The following STPG2 variants were observed in gnomAD, a reference collection of about 807,000 sequenced individuals.
The protein encoded by STPG2 is sperm-tail PG-rich repeat-containing protein 2.
In STPG2, 56 loss-of-function variants were observed where a neutral mutation model predicts 54.2. That is an observed-to-expected ratio of 1.03 (90% CI 0.83 to 1.29). The LOEUF (loss-of-function observed/expected upper bound fraction) is 1.29. STPG2 is among the 50% of genes most tolerant of loss of function. The pLI is 0.00. For missense variants in STPG2, 596 were observed against 544.9 expected (o/e 1.09, Z -0.93); for synonymous variants, 200 against 181.8 (o/e 1.10, Z -0.81).
intron 5 of STPG2, among the ~76,000 whole-genome samples, chr4:98,006,208 T>A (rs1469938023): frequency 6.6e-6 from 1 of 152,134 alleles, no homozygotes. Context: ...GAGAAGTTGG[T>A]CAGACAGCCT....
In STPG2 at chr4:97,932,798, G is replaced by A. The variant is rs189087450; in HGVS notation, c.1044+11099C>T. 7.2e-5 allele frequency among the ~76,000 whole-genome samples: 11 copies of A among 152,212 alleles called. No individual in the cohort carries two copies. In the East Asian group the frequency reaches 2.1e-3, roughly 29 times the overall value. ...TTATTTGGGTTGATTCCATGTCTTT[G>A]CTATTGTGAATAGTGCTGCAATAAA... is the stretch of plus-strand genomic sequence containing the variant. On this transcript the variant is annotated intron_variant, in intron 8 of 10. Coordinates refer to ENST00000295268, the MANE Select transcript of STPG2 (RefSeq NM_174952.3).
At chr4:98,014,838 T>A (rs1735882903) in intron 5 of STPG2, among the ~76,000 whole-genome samples, 1 of 152,186 alleles carries the variant, frequency 6.6e-6, no homozygotes, top group Non-Finnish European at 1.5e-5. Flanking sequence ...GGGAAATTAT[T>A]TACCTTTCCT....
At chr4:97,545,156 A>G (rs1431872286) in intron 4 of STPG2, among the ~76,000 whole-genome samples, 1 of 152,150 alleles carries the variant, frequency 6.6e-6, no homozygotes, top group Non-Finnish European at 1.5e-5. Context: ...AGCTTGGACA[A>G]CTAGGATTCA....
At chr4:97,788,853 T>C (rs574403669) in intron 9 of STPG2, among the ~76,000 whole-genome samples, 297 of 152,172 alleles carry the variant, frequency 2.0e-3, no homozygotes, top group Non-Finnish European at 3.2e-3. Flanking sequence ...TACAGACATG[T>C]TTTGTTCGAT....
chr4:97,790,380 GTT>G (rs1290882681), intron 9 of STPG2, among the ~76,000 whole-genome samples: 3 of 152,146 alleles, frequency 2.0e-5, no homozygotes, highest in Admixed American at 6.6e-5. Flanking sequence ...TTATCTCAAA[GTT>G]GTTTAAGTCA....
At chr4:98,017,298 A>G (rs1735986684) in intron 5 of STPG2, among the ~76,000 whole-genome samples, 1 of 152,202 alleles carries the variant, frequency 6.6e-6, no homozygotes. Flanking sequence ...CTTGCCTGTA[A>G]GGGCAGTACT....
chr4:97,698,739 C>T (rs1723668156), intron 10 of STPG2, among the ~76,000 whole-genome samples: 1 of 152,104 alleles, frequency 6.6e-6, no homozygotes, highest in South Asian at 2.1e-4. Context: ...TTTGCCAGAG[C>T]CCGGCAAAGT....
At chr4:97,621,607 A>C (rs1217571728) in intron 10 of STPG2, among the ~76,000 whole-genome samples, 4 of 152,178 alleles carry the variant, frequency 2.6e-5, no homozygotes, top group African/African-American at 9.6e-5. Flanking sequence ...ACAGACCAAC[A>C]GTGAGTTCCA....
chr4:97,478,529 T>C (rs1424540807), intron 4 of STPG2, among the ~76,000 whole-genome samples: 2 of 152,098 alleles, frequency 1.3e-5, no homozygotes, highest in African/African-American at 2.4e-5. Context: ...TTTGTTTTTA[T>C]CTTGTATACC....
intron 9 of STPG2, among the ~76,000 whole-genome samples, chr4:97,807,582 A>G (rs1384495676): frequency 6.6e-6 from 1 of 151,980 alleles, no homozygotes; most frequent in Non-Finnish European, 1.5e-5. Context: ...AGAATTGCTG[A>G]ACTGGAAGAG....
intron 4 of STPG2, among the ~76,000 whole-genome samples, chr4:97,531,570 A>C (rs1731414514): frequency 6.6e-6 from 1 of 152,250 alleles, no homozygotes; most frequent in South Asian, 2.1e-4. Flanking sequence ...ACATTGATGG[A>C]AATGGAGGTC....
At chr4:97,574,233 C>T (rs2148885877) in intron 10 of STPG2, among the ~76,000 whole-genome samples, 1 of 152,134 alleles carries the variant, frequency 6.6e-6, no homozygotes, top group Non-Finnish European at 1.5e-5. Flanking sequence ...AAAGTCACTT[C>T]TAGAGAGCTG....
chr4:97,618,765 G>A (rs868079867), intron 10 of STPG2, among the ~76,000 whole-genome samples: 58 of 152,256 alleles, frequency 3.8e-4, no homozygotes, highest in Middle Eastern at 3.4e-3. Context: ...TGTGGTGTCT[G>A]TTTTGCTGTG....
At chr4:97,887,589 A>G (rs1034427339) in intron 8 of STPG2, among the ~76,000 whole-genome samples, 4 of 152,180 alleles carry the variant, frequency 2.6e-5, no homozygotes, top group Non-Finnish European at 5.9e-5. Context: ...GAGGAAATCA[A>G]TGACCTAAAG....
chr4:97,514,762 T>C (rs1731040659), intron 4 of STPG2, among the ~76,000 whole-genome samples: 1 of 152,126 alleles, frequency 6.6e-6, no homozygotes, highest in South Asian at 2.1e-4. Context: ...TTTGTACTTT[T>C]ATCTTTTTTA....
chr4:97,668,615 G>T (rs914977328), intron 10 of STPG2, among the ~76,000 whole-genome samples: 1 of 141,198 alleles, frequency 7.1e-6, no homozygotes, highest in Non-Finnish European at 1.6e-5. Context: ...TGAGAACACG[G>T]TCAAAGAATA....
intron 4 of STPG2, among the ~76,000 whole-genome samples, chr4:97,484,546 G>A (rs1730306749): frequency 6.6e-6 from 1 of 151,668 alleles, no homozygotes; most frequent in South Asian, 2.1e-4. Flanking sequence ...CCAATAACAA[G>A]CAGTGGCATT....
intron 1 of STPG2, among the ~76,000 whole-genome samples, chr4:98,135,378 ATTAT>A (rs1740108787): frequency 6.6e-6 from 1 of 151,826 alleles, no homozygotes; most frequent in African/African-American, 2.4e-5. Context: ...AATGTCAAGA[ATTAT>A]TTATTTGTGT....
At chr4:97,744,999 T>C (rs1725378860) in intron 9 of STPG2, among the ~76,000 whole-genome samples, 1 of 151,428 alleles carries the variant, frequency 6.6e-6, no homozygotes, top group South Asian at 2.1e-4. Flanking sequence ...CAGTTACTAA[T>C]GAGATGTTCA....
Sources: gnomAD v4.1 joint callset for allele counts (sites outside exome capture counted in the v4.1 genomes callset) on GRCh38, gnomAD v4.1.1 for gene constraint, MANE v1.5 for transcripts, NCBI Gene and HGNC (gene_info 2026-07-23, HGNC 2026-07-21) for gene names.